The following NTRK3 variants were observed in gnomAD, a reference collection of about 807,000 sequenced individuals.
The protein encoded by NTRK3 is NT-3 growth factor receptor.
NTRK3 carries 24 observed loss-of-function variants against 91.7 expected under a neutral mutation model. The ratio of observed to expected loss-of-function variants is 0.26; its 90% CI spans 0.19 to 0.37. The LOEUF (loss-of-function observed/expected upper bound fraction) is 0.37, where lower values mean the gene tolerates loss of function less well. Ranked by LOEUF, NTRK3 falls within the 10% of genes least tolerant of loss-of-function variation. The pLI is 1.00. For missense variants in NTRK3, 880 were observed against 1,068.9 expected (o/e 0.82, Z 2.46); for synonymous variants, 483 against 404.0 (o/e 1.20, Z -2.34).
intron 14 of NTRK3, among the ~76,000 whole-genome samples, chr15:87,993,499 T>C (rs1011441740): frequency 3.3e-5 from 5 of 152,214 alleles, no homozygotes; most frequent in African/African-American, 7.2e-5. Context: ...TGTACATCAG[T>C]AGAGAAGAAT....
intron 17 of NTRK3, among the ~76,000 whole-genome samples, chr15:87,926,370 T>A (rs931552690): frequency 6.6e-6 from 1 of 152,162 alleles, no homozygotes; most frequent in Non-Finnish European, 1.5e-5. Context: ...AGATTTCCAA[T>A]GGTGTGCTGT....
chr15:88,027,646 T>C (rs1179494573), intron 14 of NTRK3, among the ~76,000 whole-genome samples: 3 of 152,224 alleles, frequency 2.0e-5, no homozygotes, highest in East Asian at 1.9e-4. Flanking sequence ...CCTCCCAAAG[T>C]GCTGGGATTA....
chr15:88,146,556 C>T (rs542071828), intron 6 of NTRK3, among the ~76,000 whole-genome samples: 2 of 152,260 alleles, frequency 1.3e-5, no homozygotes, highest in South Asian at 2.1e-4. Flanking sequence ...GAGATGACCC[C>T]GATGAATCAC....
intron 17 of NTRK3, among the ~76,000 whole-genome samples, chr15:87,912,990 G>T (rs555046692): frequency 7.6e-4 from 95 of 125,388 alleles, no homozygotes; most frequent in Non-Finnish European, 1.3e-3. Context: ...AGATCCTGCT[G>T]CTACATTGAT....
At chr15:88,184,191 A>T in intron 4 of NTRK3, 34 bp downstream of exon 4, 2 of 1,609,046 alleles carry the variant, frequency 1.2e-6, no homozygotes. Flanking sequence ...CCCCTTCCAC[A>T]GGGAAAGGCC....
intron 13 of NTRK3, among the ~76,000 whole-genome samples, chr15:88,047,488 T>G (rs182438234): frequency 6.6e-6 from 1 of 152,288 alleles, no homozygotes; most frequent in African/African-American, 2.4e-5. Flanking sequence ...TATTTTGAAA[T>G]TTTGTGACTT....
intron 13 of NTRK3, among the ~76,000 whole-genome samples, chr15:88,115,560 C>A (rs2051953336): frequency 6.6e-6 from 1 of 152,198 alleles, no homozygotes; most frequent in African/African-American, 2.4e-5. Context: ...TCTGCCCCTG[C>A]CTGGGAACAG....
At chr15:88,071,055 T>C (rs896698982) in intron 13 of NTRK3, among the ~76,000 whole-genome samples, 4 of 152,212 alleles carry the variant, frequency 2.6e-5, no homozygotes, top group Non-Finnish European at 4.4e-5. Context: ...TGATTAGGGT[T>C]CAATCCTACT....
intron 14 of NTRK3, among the ~76,000 whole-genome samples, chr15:87,942,462 G>A (rs369944131): frequency 1.3e-5 from 2 of 152,164 alleles, no homozygotes; most frequent in African/African-American, 4.8e-5. Context: ...AGGAAGTCAG[G>A]CCCTCTCTCG....
intron 14 of NTRK3, among the ~76,000 whole-genome samples, chr15:87,958,121 C>T (rs1268514834): frequency 6.6e-6 from 1 of 152,178 alleles, no homozygotes; most frequent in Non-Finnish European, 1.5e-5. Flanking sequence ...AGCCGCTCCA[C>T]ACACAATTCC....
intron 14 of NTRK3, chr15:87,979,614 T>C: frequency 4.6e-6 from 3 of 650,178 alleles, no homozygotes; most frequent in Non-Finnish European, 8.1e-6. Context: ...GAGGAGGGGA[T>C]TAACTTAAAA....
Position 88,255,383 on chromosome 15 carries a change from A to G in NTRK3, c.248+523T>C, listed in dbSNP as rs2053925023. ...CCAGCTCGCAACTTGTTTACTTGTC[A>G]GCATGTTTTGCTGTTTCCAAATGGA... is the stretch of plus-strand genomic sequence containing the variant. On this transcript the variant is annotated intron_variant, in intron 3 of 18. Transcript: ENST00000394480. The surrounding 1 kb of genome is among the most constrained non-coding windows in gnomAD (Gnocchi z 4.3). Among the ~76,000 whole-genome samples, 1 of 152,176 alleles carries G rather than the reference A, an allele frequency of 6.6e-6. No individual in the cohort carries two copies. The highest frequency in any genetic ancestry group is 2.4e-5 in the African/African-American group (1 of 41,448).
At chr15:88,094,454 C>T (rs1444615409) in intron 13 of NTRK3, among the ~76,000 whole-genome samples, 8 of 119,022 alleles carry the variant, frequency 6.7e-5, no homozygotes, top group Middle Eastern at 7.4e-3. Context: ...CCCGACTGGG[C>T]GACAGAGCGA....
chr15:87,999,267 C>T (rs1233321817), intron 14 of NTRK3, among the ~76,000 whole-genome samples: 1 of 152,202 alleles, frequency 6.6e-6, no homozygotes, highest in African/African-American at 2.4e-5. Context: ...AAAAGATATT[C>T]TTCCTCTGAA....
chr15:87,877,014 C>A (rs1191745945), exon 19 of NTRK3: 1 of 1,613,224 alleles, frequency 6.2e-7, no homozygotes, highest in Non-Finnish European at 8.5e-7. Flanking sequence ...GATGTTCAAC[C>A]GCTGCTGTGG....
At chr15:87,977,952 G>A (rs986993948) in intron 14 of NTRK3, 5 of 232,420 alleles carry the variant, frequency 2.2e-5, no homozygotes, top group East Asian at 6.1e-5. Flanking sequence ...CAAAACAACG[G>A]TGGGTTAAAA....
chr15:87,889,970 A>ATTTATTTATTTAT (rs1567074493), intron 17 of NTRK3, among the ~76,000 whole-genome samples: 1 of 149,954 alleles, frequency 6.7e-6, no homozygotes, highest in African/African-American at 2.5e-5. Context: ...TTATTTATTT[A>ATTTATTTATTTAT]TTTATTTATT....
chr15:87,902,631 G>T (rs1169459926), intron 17 of NTRK3, among the ~76,000 whole-genome samples: 1 of 123,192 alleles, frequency 8.1e-6, no homozygotes, highest in Non-Finnish European at 1.9e-5. Flanking sequence ...GCCAACACTA[G>T]AAATAATTCC....
intron 6 of NTRK3, among the ~76,000 whole-genome samples, chr15:88,146,210 G>T (rs986204550): frequency 6.6e-6 from 1 of 152,184 alleles, no homozygotes; most frequent in Non-Finnish European, 1.5e-5. Flanking sequence ...AGGTCATCAT[G>T]GGGTGATAGG....
Sources: allele counts gnomAD v4.1 joint callset (sites outside exome capture counted in the v4.1 genomes callset), GRCh38; gene constraint gnomAD v4.1.1; non-coding constraint Gnocchi (gnomAD v3.1); transcripts MANE v1.5; gene names NCBI Gene and HGNC (gene_info 2026-07-23, HGNC 2026-07-21).